Variants in RGL1 observed in about 807,000 individuals in gnomAD.
RGL1 encodes the protein ral guanine nucleotide dissociation stimulator like 1, also known as ral guanine nucleotide dissociation stimulator-like 1.
RGL1 carries 24 observed loss-of-function variants against 95.2 expected under a neutral mutation model. The ratio of observed to expected loss-of-function variants is 0.25; its 90% confidence interval spans 0.18 to 0.35. The LOEUF is 0.35. RGL1 is among the 10% of genes least tolerant of loss of function. RGL1 has a pLI of 1.00. For missense variants in RGL1, 715 were observed against 936.3 expected, an observed-to-expected ratio of 0.76 and a Z score of 3.08; for synonymous variants, 329 against 344.9, an observed-to-expected ratio of 0.95 and a Z score of 0.51.
chr1:183,887,206 T>TTCTCTCTC (rs1558272626), intron 7 of RGL1, among the ~76,000 whole-genome samples: 1 of 5,048 alleles, frequency 2.0e-4, no homozygotes, highest in Non-Finnish European at 3.3e-4. Flanking sequence ...TTCCCCTCCT[T>TTCTCTCTC]CTTCTCTCTT....
intron 16 of RGL1, among the ~76,000 whole-genome samples, chr1:183,920,225 C>T (rs1479590248): frequency 3.9e-5 from 6 of 151,956 alleles, no homozygotes; most frequent in East Asian, 3.9e-4. Context: ...TTATTAGAGA[C>T]GGGGTTTCAC....
chr1:183,798,438 T>A lies in RGL1; in HGVS notation c.133-7937T>A, dbSNP rs554591594. On this transcript the variant is annotated intron_variant, in intron 2 of 18. Coordinates refer to the RGL1 transcript ENST00000304685. ...GAGTTTGGGGATAAGTATATTCCCA[T>A]GAAACCATCACCACCATCAAAGCCA... Among the ~76,000 whole-genome samples, 171 of 152,306 alleles carry A rather than the reference T, an allele frequency of 1.1e-3. 1 individual carries two copies. The highest frequency in any genetic ancestry group is 3.9e-3 in the African/African-American group (161 of 41,568).
intron 3 of RGL1, among the ~76,000 whole-genome samples, chr1:183,852,583 G>T (rs980773752): frequency 6.6e-6 from 1 of 152,152 alleles, no homozygotes; most frequent in African/African-American, 2.4e-5. Context: ...GGAGGCTGAG[G>T]CAGGTGGATC....
chr1:183,879,478 T>A (rs1666702422), intron 4 of RGL1, among the ~76,000 whole-genome samples: 1 of 152,248 alleles, frequency 6.6e-6, no homozygotes, highest in Non-Finnish European at 1.5e-5. Context: ...ATAATGATAA[T>A]TTTAAAATGT....
chr1:183,820,616 G>C (rs1278510203), intron 2 of RGL1, among the ~76,000 whole-genome samples: 1 of 152,070 alleles, frequency 6.6e-6, no homozygotes, highest in African/African-American at 2.4e-5. Flanking sequence ...GAACTCTCTA[G>C]GCCTGTGCTG....
intron 3 of RGL1, among the ~76,000 whole-genome samples, chr1:183,853,832 GA>G (rs1278033107): frequency 5.9e-5 from 9 of 151,732 alleles, no homozygotes; most frequent in Non-Finnish European, 1.0e-4. Flanking sequence ...ACCTTTAAAG[GA>G]ACCCTTTTTT....
chr1:183,913,723 G>A (rs896031917), intron 15 of RGL1, among the ~76,000 whole-genome samples: 3 of 152,158 alleles, frequency 2.0e-5, no homozygotes, highest in East Asian at 1.9e-4. Context: ...GGGGACATGT[G>A]TGTTGCTTCA....
chr1:183,841,041 G>A (rs1352911301), intron 2 of RGL1, among the ~76,000 whole-genome samples: 1 of 152,066 alleles, frequency 6.6e-6, no homozygotes, highest in Non-Finnish European at 1.5e-5. Flanking sequence ...TATTGTAATG[G>A]TTTCTTTGTG....
intron 2 of RGL1, among the ~76,000 whole-genome samples, chr1:183,815,879 T>C (rs981763020): frequency 1.3e-5 from 2 of 152,158 alleles, no homozygotes; most frequent in African/African-American, 2.4e-5. Context: ...TCTAGAACCC[T>C]GCCATAGAAC....
At chr1:183,781,377 G>T (rs1330720833) in intron 2 of RGL1, among the ~76,000 whole-genome samples, 1 of 152,042 alleles carries the variant, frequency 6.6e-6, no homozygotes, top group East Asian at 1.9e-4. Flanking sequence ...TCCCTCTTTG[G>T]CCACATACCC....
chr1:183,742,030 T>A, intron 1 of RGL1: 1 of 893,642 alleles, frequency 1.1e-6, no homozygotes, highest in East Asian at 2.6e-5. Context: ...TTTAATGGTC[T>A]CACTAGTCAG....
chr1:183,746,618 A>G (rs889642049), intron 2 of RGL1, among the ~76,000 whole-genome samples: 3 of 98,308 alleles, frequency 3.1e-5, no homozygotes, highest in Non-Finnish European at 6.3e-5. Context: ...CATAGTATAC[A>G]TGTATTTTTT....
intron 11 of RGL1, among the ~76,000 whole-genome samples, chr1:183,901,568 G>T (rs1012003573): frequency 7.2e-5 from 11 of 152,082 alleles, no homozygotes; most frequent in African/African-American, 2.4e-4. Context: ...TACTTGGTGG[G>T]GTAGAGAGTC....
At chr1:183,747,549 C>T (rs1042408256) in intron 2 of RGL1, among the ~76,000 whole-genome samples, 10 of 152,194 alleles carry the variant, frequency 6.6e-5, no homozygotes, top group South Asian at 2.1e-4. Context: ...CTTTGTCAGA[C>T]GGAGAGATTG....
In RGL1 at chr1:183,809,751, G is replaced by C. The variant is rs199654791; in HGVS notation, c.138+3266G>C. On this transcript the variant is annotated intron_variant, in intron 2 of 17. Transcript: ENST00000360851. ...GCTTGAGGCTGGGAGCTCAAGACCA[G>C]CCTGGGCAACATAGCAAGACCCTGT... is the stretch of plus-strand genomic sequence containing the variant. 2.0e-4 allele frequency among the ~76,000 whole-genome samples: 30 copies of C among 152,244 alleles called. No homozygotes were observed. In the East Asian group the frequency reaches 5.2e-3, roughly 26 times the overall value.
chr1:183,773,955 GAAAA>G (rs11306110), intron 2 of RGL1, among the ~76,000 whole-genome samples: 1 of 149,908 alleles, frequency 6.7e-6, no homozygotes, highest in Non-Finnish European at 1.5e-5. Context: ...ACTTGGGAAA[GAAAA>G]AAAAAAAGCC....
chr1:183,824,410 T>G (rs1169175777), intron 2 of RGL1, among the ~76,000 whole-genome samples: 2 of 152,210 alleles, frequency 1.3e-5, no homozygotes, highest in African/African-American at 4.8e-5. Flanking sequence ...GGCTTTAGTT[T>G]CCTCTTCACC....
intron 8 of RGL1, among the ~76,000 whole-genome samples, chr1:183,890,759 C>A (rs917103694): frequency 6.6e-6 from 1 of 152,118 alleles, no homozygotes; most frequent in Non-Finnish European, 1.5e-5. Context: ...CCAGAATCAG[C>A]AAATCTATGG....
intron 1 of RGL1, among the ~76,000 whole-genome samples, chr1:183,644,172 T>G (rs1386993974): frequency 6.6e-6 from 1 of 152,166 alleles, no homozygotes; most frequent in African/African-American, 2.4e-5. Flanking sequence ...TGTTATTATT[T>G]AGAGAAGCAT....
Sources: gnomAD v4.1 joint callset for allele counts (sites outside exome capture counted in the v4.1 genomes callset) on GRCh38, gnomAD v4.1.1 for gene constraint, MANE v1.5 for transcripts, NCBI Gene and HGNC (gene_info 2026-07-23, HGNC 2026-07-21) for gene names.